The following SNTG1 variants were observed in gnomAD, a reference collection of about 807,000 sequenced individuals.
SNTG1 encodes the protein gamma-1-syntrophin.
SNTG1 carries 39 observed loss-of-function variants against 74.7 expected under a neutral mutation model. The observed-to-expected ratio is 0.52, with a 90% confidence interval of 0.40 to 0.68. The LOEUF is 0.68. Among genes scored for constraint, SNTG1 ranks in the 30% least tolerant of loss-of-function variants. The pLI, the probability that SNTG1 is intolerant of heterozygous loss-of-function variation, is 0.00. For missense variants in SNTG1, 685 were observed against 609.5 expected (o/e 1.12, Z -1.30); for synonymous variants, 254 against 217.1 (o/e 1.17, Z -1.49).
intron 4 of SNTG1, among the ~76,000 whole-genome samples, chr8:50,411,768 G>A (rs766193449): frequency 4.6e-5 from 7 of 152,142 alleles, no homozygotes; most frequent in Non-Finnish European, 7.3e-5. Context: ...CAGGGCTTAT[G>A]CGGTTCCAGA....
intron 8 of SNTG1, among the ~76,000 whole-genome samples, chr8:50,473,325 C>A (rs58065904): frequency 0.018 from 2,751 of 152,224 alleles, 97 homozygotes; most frequent in African/African-American, 0.063. Flanking sequence ...TTCCTGAGGG[C>A]TCCCTAGCCA....
At chr8:50,593,087 G>A (rs1563622374) in intron 13 of SNTG1, among the ~76,000 whole-genome samples, 1 of 151,086 alleles carries the variant, frequency 6.6e-6, no homozygotes, top group Non-Finnish European at 1.5e-5. Flanking sequence ...TATTCCTGAT[G>A]TTCTAGGTAT....
chr8:50,292,754 T>C (rs955563132), intron 2 of SNTG1, among the ~76,000 whole-genome samples: 4 of 152,204 alleles, frequency 2.6e-5, no homozygotes, highest in Non-Finnish European at 4.4e-5. Flanking sequence ...AGGAATGTTT[T>C]GATATTTGGC....
intron 18 of SNTG1, among the ~76,000 whole-genome samples, chr8:50,774,853 C>G (rs962264120): frequency 6.6e-6 from 1 of 151,306 alleles, no homozygotes; most frequent in African/African-American, 2.4e-5. Flanking sequence ...AATTTTTGAG[C>G]ACTATTGACG....
intron 2 of SNTG1, among the ~76,000 whole-genome samples, chr8:50,252,934 C>A (rs1367039908): frequency 6.6e-6 from 1 of 152,132 alleles, no homozygotes; most frequent in Non-Finnish European, 1.5e-5. Context: ...AAAAAGTGCT[C>A]ATCAGTAATA....
chr8:49,931,180 T>A (rs757051719), intron 1 of SNTG1, among the ~76,000 whole-genome samples: 5 of 152,224 alleles, frequency 3.3e-5, no homozygotes, highest in Non-Finnish European at 7.3e-5. Flanking sequence ...CAAGCTCTGA[T>A]ATACATGCAG....
chr8:50,297,535 G>A (rs1199342429), intron 2 of SNTG1, among the ~76,000 whole-genome samples: 3 of 152,048 alleles, frequency 2.0e-5, no homozygotes, highest in Admixed American at 6.6e-5. Flanking sequence ...GCATTACACA[G>A]TAAAATAAGG....
intron 1 of SNTG1, among the ~76,000 whole-genome samples, chr8:50,081,378 T>C (rs1446970052): frequency 6.6e-6 from 1 of 152,200 alleles, no homozygotes; most frequent in Non-Finnish European, 1.5e-5. Flanking sequence ...GTTAGACTAC[T>C]ATGTGTAGAT....
At chr8:50,558,507 T>C (rs976608256) in intron 12 of SNTG1, among the ~76,000 whole-genome samples, 5 of 152,230 alleles carry the variant, frequency 3.3e-5, no homozygotes, top group African/African-American at 1.2e-4. Context: ...TATTAATCAT[T>C]ATTCAATTTT....
At chr8:50,776,273 T>C (rs1229607309) in intron 18 of SNTG1, among the ~76,000 whole-genome samples, 1 of 150,628 alleles carries the variant, frequency 6.6e-6, no homozygotes, top group African/African-American at 2.4e-5. Context: ...GTTCTTAGTG[T>C]CTACTCTCAG....
chr8:50,478,236 A>G (rs900751152), intron 8 of SNTG1, among the ~76,000 whole-genome samples: 13 of 152,234 alleles, frequency 8.5e-5, no homozygotes, highest in African/African-American at 2.9e-4. Context: ...GTGGATCAAC[A>G]CAATTTGGAT....
intron 14 of SNTG1, among the ~76,000 whole-genome samples, chr8:50,658,305 G>A (rs1349453191): frequency 6.6e-6 from 1 of 152,014 alleles, no homozygotes; most frequent in Non-Finnish European, 1.5e-5. Flanking sequence ...AGTATTTATA[G>A]GTAGAGAATG....
chr8:50,290,150 A>G (rs979944251), intron 2 of SNTG1, among the ~76,000 whole-genome samples: 1 of 152,178 alleles, frequency 6.6e-6, no homozygotes, highest in Non-Finnish European at 1.5e-5. Flanking sequence ...GGTCTCTTTC[A>G]GAAACATTCC....
At chr8:50,602,299 T>TTTTTTTTTTTTTTTTTTTTTGA (rs1211491315) in intron 13 of SNTG1, among the ~76,000 whole-genome samples, 1 of 152,120 alleles carries the variant, frequency 6.6e-6, no homozygotes, top group African/African-American at 2.4e-5. Flanking sequence ...GTTTTCAATT[T>TTTTTTTTTTTTTTTTTTTTTGA]GAGGTTGCCA....
intron 1 of SNTG1, among the ~76,000 whole-genome samples, chr8:50,008,191 A>G (rs1003407537): frequency 2.6e-5 from 4 of 152,214 alleles, no homozygotes; most frequent in African/African-American, 9.7e-5. Context: ...TTAGTTATTA[A>G]GAGCTCTAGA....
chr8:50,151,590 A>T (rs1371365325), intron 1 of SNTG1, among the ~76,000 whole-genome samples: 1 of 152,184 alleles, frequency 6.6e-6, no homozygotes, highest in Non-Finnish European at 1.5e-5. Flanking sequence ...AATGTGTCCC[A>T]GAGATTCTGG....
intron 17 of SNTG1, among the ~76,000 whole-genome samples, chr8:50,737,115 A>G (rs2095530838): frequency 6.6e-6 from 1 of 152,130 alleles, no homozygotes; most frequent in African/African-American, 2.4e-5. Context: ...AAAATCAATG[A>G]ATCCAGGAGC....
chr8:49,973,429 G>T (rs1432009745), intron 1 of SNTG1, among the ~76,000 whole-genome samples: 1 of 151,826 alleles, frequency 6.6e-6, no homozygotes, highest in Non-Finnish European at 1.5e-5. Context: ...CGAGTTAATG[G>T]GTGCAGCACA....
chr8:50,413,009 T>C (rs16914864), intron 4 of SNTG1, among the ~76,000 whole-genome samples: 1,559 of 152,332 alleles, frequency 0.01, 60 homozygotes, highest in Admixed American at 0.073. Flanking sequence ...TGCAATTTTG[T>C]CATAGACTGA....
Sources: allele counts gnomAD v4.1 joint callset (sites outside exome capture counted in the v4.1 genomes callset), GRCh38; gene constraint gnomAD v4.1.1; transcripts MANE v1.5; gene names NCBI Gene and HGNC (gene_info 2026-07-23, HGNC 2026-07-21).